The following AUTS2 variants were observed in gnomAD, a reference collection of about 807,000 sequenced individuals.
The protein encoded by AUTS2 is autism susceptibility gene 2 protein.
Under a neutral mutation model 112.4 loss-of-function variants are expected in AUTS2, and 17 were observed. The ratio of observed to expected loss-of-function variants is 0.15; its 90% CI spans 0.10 to 0.23. The LOEUF (loss-of-function observed/expected upper bound fraction) is 0.23. AUTS2 is among the 10% of genes least tolerant of loss of function. The pLI is 1.00. For missense variants in AUTS2, 1,510 were observed against 1,701.6 expected (o/e 0.89, Z 1.98); for synonymous variants, 751 against 702.7 (o/e 1.07, Z -1.09).
chr7:70,597,184 G>C (rs960675796), intron 5 of AUTS2, among the ~76,000 whole-genome samples: 1 of 152,166 alleles, frequency 6.6e-6, no homozygotes, highest in Non-Finnish European at 1.5e-5. Flanking sequence ...CTGATAAAGA[G>C]ATGTAACAGC....
At chr7:70,370,871 T>C (rs1792808028) in intron 4 of AUTS2, among the ~76,000 whole-genome samples, 1 of 151,876 alleles carries the variant, frequency 6.6e-6, no homozygotes, top group Admixed American at 6.6e-5. Context: ...ATTATTCTAG[T>C]GGGTGTGAAG....
At chr7:70,728,208 G>C (rs1288397682) in intron 6 of AUTS2, among the ~76,000 whole-genome samples, 1 of 152,172 alleles carries the variant, frequency 6.6e-6, no homozygotes. Context: ...GTCCTGATCT[G>C]TGGATCTTAA....
At chr7:70,467,442 T>C (rs1797209597) in intron 5 of AUTS2, among the ~76,000 whole-genome samples, 1 of 152,196 alleles carries the variant, frequency 6.6e-6, no homozygotes, top group South Asian at 2.1e-4. Context: ...GATCAAAATC[T>C]GACCCAGCAG....
At chr7:70,006,645 C>T (rs551408964) in intron 2 of AUTS2, among the ~76,000 whole-genome samples, 2 of 152,188 alleles carry the variant, frequency 1.3e-5, no homozygotes, top group African/African-American at 2.4e-5. Context: ...TGATAATCCT[C>T]GCCCAACTTC....
At chr7:70,758,577 A>G (rs1475205516) in intron 6 of AUTS2, among the ~76,000 whole-genome samples, 2 of 152,230 alleles carry the variant, frequency 1.3e-5, no homozygotes, top group African/African-American at 4.8e-5. Context: ...GTATTTTAGT[A>G]TAAGCATGAT....
intron 2 of AUTS2, among the ~76,000 whole-genome samples, chr7:70,038,852 G>A (rs987886434): frequency 7.2e-5 from 11 of 152,010 alleles, no homozygotes; most frequent in Non-Finnish European, 1.0e-4. Flanking sequence ...TCTGCCTCCC[G>A]GGTTCAAACA....
chr7:70,218,448 G>A (rs1243545809), intron 4 of AUTS2, among the ~76,000 whole-genome samples: 1 of 152,128 alleles, frequency 6.6e-6, no homozygotes, highest in African/African-American at 2.4e-5. Context: ...GGCACAGTAA[G>A]ATGGCTCTGA....
At chr7:69,980,399 A>T (rs1409236298) in intron 2 of AUTS2, among the ~76,000 whole-genome samples, 1 of 152,212 alleles carries the variant, frequency 6.6e-6, no homozygotes, top group Non-Finnish European at 1.5e-5. Flanking sequence ...CCTTGGAGTT[A>T]TATAATTGAT....
chr7:70,501,805 T>C (rs1020722669), intron 5 of AUTS2, among the ~76,000 whole-genome samples: 1 of 152,168 alleles, frequency 6.6e-6, no homozygotes, highest in Non-Finnish European at 1.5e-5. Context: ...CCCTACGTGA[T>C]GCTCTTTTCA....
intron 4 of AUTS2, among the ~76,000 whole-genome samples, chr7:70,196,139 C>T (rs930283180): frequency 6.6e-6 from 1 of 152,154 alleles, no homozygotes; most frequent in African/African-American, 2.4e-5. Context: ...GAGGTCTGAT[C>T]TGTTTGGGGA....
intron 4 of AUTS2, among the ~76,000 whole-genome samples, chr7:70,419,629 T>C (rs1306609147): frequency 2.6e-5 from 4 of 152,204 alleles, no homozygotes; most frequent in African/African-American, 9.7e-5. Flanking sequence ...TTGAGACTAG[T>C]TGAGCTAGAC....
intron 2 of AUTS2, among the ~76,000 whole-genome samples, chr7:69,985,227 TAAAAAAAAAA>T (rs71068005): frequency 3.8e-5 from 4 of 104,716 alleles, no homozygotes; most frequent in African/African-American, 1.1e-4. Context: ...GAAGACTCTC[TAAAAAAAAAA>T]AAAAAAAAAA....
chr7:70,494,257 T>C (rs1798360533), intron 5 of AUTS2, among the ~76,000 whole-genome samples: 1 of 152,160 alleles, frequency 6.6e-6, no homozygotes, highest in Non-Finnish European at 1.5e-5. Flanking sequence ...TCTCTACTAA[T>C]CTTTCCCTTC....
rs527727044 is a variant in AUTS2 at position 70,099,145 on chromosome 7, C to T, written c.523-18987C>T. On this transcript the variant is annotated intron_variant, in intron 2 of 18. Transcript: ENST00000342771. ...CAGGTCTTAGGCTGTTTTTGTTAAC[C>T]TCAACATTTCTTGAAAAAAACCTCT... 2.6e-5 allele frequency among the ~76,000 whole-genome samples: 4 copies of T among 152,156 alleles called. No individual in the cohort carries two copies. In the South Asian group the frequency reaches 8.3e-4, roughly 32 times the overall value.
At chr7:70,635,558 AG>A (rs1358423172) in intron 5 of AUTS2, among the ~76,000 whole-genome samples, 2 of 152,076 alleles carry the variant, frequency 1.3e-5, no homozygotes, top group Non-Finnish European at 2.9e-5. Context: ...ATACACAGAG[AG>A]GGAGAGGAAA....
chr7:70,098,157 C>A (rs1351670127), intron 2 of AUTS2, among the ~76,000 whole-genome samples: 1 of 152,060 alleles, frequency 6.6e-6, no homozygotes, highest in Non-Finnish European at 1.5e-5. Context: ...TCATAAAAAG[C>A]CTGAATATAA....
intron 6 of AUTS2, among the ~76,000 whole-genome samples, chr7:70,727,424 A>C (rs1787104071): frequency 6.6e-6 from 1 of 152,128 alleles, no homozygotes; most frequent in Admixed American, 6.5e-5. Flanking sequence ...GTCTTGGTTC[A>C]CTGCAACCTC....
chr7:70,503,439 A>G (rs1486636361), intron 5 of AUTS2, among the ~76,000 whole-genome samples: 1 of 151,110 alleles, frequency 6.6e-6, no homozygotes, highest in Non-Finnish European at 1.5e-5. Flanking sequence ...AGTGGTTTGT[A>G]CCTGTAATCC....
At chr7:69,820,865 T>C (rs1790959133) in intron 1 of AUTS2, among the ~76,000 whole-genome samples, 4 of 152,166 alleles carry the variant, frequency 2.6e-5, no homozygotes, top group Admixed American at 2.6e-4. Flanking sequence ...TAAAATCAAC[T>C]ATAGAACTTA....
Sources: allele counts gnomAD v4.1 joint callset (sites outside exome capture counted in the v4.1 genomes callset), GRCh38; gene constraint gnomAD v4.1.1; transcripts MANE v1.5; gene names NCBI Gene and HGNC (gene_info 2026-07-23, HGNC 2026-07-21).